MYBBP1A: variants seen among roughly 807,000 people sequenced by gnomAD.
The protein encoded by MYBBP1A is myb-binding protein 1A.
A neutral mutation model predicts 136.3 loss-of-function variants in MYBBP1A; 147 were observed. The observed-to-expected ratio is 1.08, with a 90% CI of 0.94 to 1.24. The LOEUF is 1.24. Ranked by LOEUF, MYBBP1A falls within the 50% of genes most tolerant of loss-of-function variation. The pLI is 0.00. For synonymous variants in MYBBP1A, 947 were observed against 735.8 expected (o/e 1.29, Z -4.65); for missense variants, 2,060 against 1,727.4 (o/e 1.19, Z -3.41).
At chr17:4,540,637 G>C (rs190501453) in intron 24 of MYBBP1A, among the ~76,000 whole-genome samples, 153 bp from the exon 25 acceptor site, 2 of 152,040 alleles carry the variant, frequency 1.3e-5, no homozygotes, top group South Asian at 2.1e-4. Context: ...TAAGTCATCC[G>C]TGTCTCTTAC....
rs749774253 is a variant in MYBBP1A, at chr17:4,553,990, C to A, written c.453+29G>T. ...CCCCCACCCATCCCAAGCCAGCCTA[C>A]ATTCCCCCAGTCCCTCCAAAGCTCT... On this transcript the variant is annotated intron_variant, in intron 4 of 25. Transcript: ENST00000254718. 22 of 1,613,900 alleles carry A rather than the reference C, an allele frequency of 1.4e-5. No individual in the cohort carries two copies. In the South Asian group the frequency reaches 2.3e-4, roughly 17 times the overall value.
rs775236687 is a variant in MYBBP1A, at chr17:4,539,503, G to A, written c.3899C>T (p.Ala1300Val). 8.7e-6 allele frequency: 14 copies of A among 1,614,178 alleles called. No homozygotes were observed. The East Asian group carries it at 2.7e-4, about 31-fold the overall frequency. Residue 1300 changes from alanine to valine, a missense_variant, in exon 26 of 26, where the codon GCA (alanine) becomes GTA (valine). Ala to Val is a moderately conservative substitution (Grantham distance 64). Coordinates refer to ENST00000254718, the MANE Select transcript of MYBBP1A (RefSeq NM_014520.4). ...ACTCCTGATGACCAAAGACAGCCTT[G>A]CCTTTTTCCGTGCCAGCGCGGACAG... is the stretch of plus-strand genomic sequence containing the variant. Reference protein sequence around the residue: ...SPLSALARKKARLSLVIRSPS... With the variant: ...SPLSALARKKVRLSLVIRSPS...
rs1434348525 is a variant in MYBBP1A at position 4,550,164 on chromosome 17, C to T, written c.1213G>A (p.Gly405Ser). 2.5e-6 allele frequency: 4 copies of T among 1,613,996 alleles called. No homozygotes were observed. The Admixed American group carries it at 6.7e-5, about 27-fold the overall frequency. ...VRFLSPPALQ[G>S]YVAWLRAMFL... ...ATGGCCCGCAGCCAGGCCACATAGC[C>T]CTGCAGGGCCGGAGGGCTCAGGAAC... The change falls in exon 9 of 26, where the codon GGC becomes AGC. Residue 405 changes from glycine (G) to serine (S), a missense_variant. Gly to Ser is a moderately conservative substitution (Grantham distance 56, BLOSUM62 0). Coordinates refer to ENST00000254718, the MANE Select transcript of MYBBP1A (RefSeq NM_014520.4).
chr17:4,547,442 A>C (rs760971278), intron 13 of MYBBP1A, among the ~76,000 whole-genome samples: 1 of 152,204 alleles, frequency 6.6e-6, no homozygotes, highest in Non-Finnish European at 1.5e-5. Flanking sequence ...CAAGTAAGGC[A>C]ACCACAGTCA....
Position 4,553,966 on chromosome 17 carries a change from C to T in MYBBP1A, c.454-49G>A, listed in dbSNP as rs913812802. 3.7e-6 allele frequency: 6 copies of T among 1,613,490 alleles called. No homozygotes were observed. In the African/African-American group the frequency reaches 6.7e-5, roughly 18 times the overall value. On this transcript the variant is annotated intron_variant, in intron 4 of 25. Transcript: ENST00000254718. The stretch of plus-strand genomic sequence containing the variant: ...GGTATGAGCAGGGCACACGACTGTC[C>T]CCCACCCATCCCAAGCCAGCCTACA...
rs1006578730 is a variant in MYBBP1A at position 4,548,413 on chromosome 17, C to T, written c.1557-103G>A. On this transcript the variant is annotated intron_variant, in intron 11 of 25. Coordinates refer to ENST00000254718, the MANE Select transcript of MYBBP1A (RefSeq NM_014520.4). This position sits in a 1 kb window ranked among gnomAD's most constrained non-coding sequence, Gnocchi z 4.2. ...CGGTCTCCCGCCTCTCCAGGACCTA[C>T]TAGAACTCCGGGGGCCTCTGCCGTT... 3 of 1,605,166 alleles carry T rather than the reference C, an allele frequency of 1.9e-6. No individual in the cohort carries two copies. The highest frequency in any genetic ancestry group is 2.6e-6 in the Non-Finnish European group (3 of 1,174,330).
chr17:4,550,206 A>G lies in MYBBP1A; in HGVS notation c.1171T>C (p.Phe391Leu). Residue 391 changes from phenylalanine to leucine, a missense_variant, in exon 9 of 26, where the codon TTC becomes CTC. Coordinates refer to ENST00000254718, the MANE Select transcript of MYBBP1A (RefSeq NM_014520.4). ...CTCAGGAACCGCACGACCCGCCAGA[A>G]AGTAGGCGTGACAGGGAGGCCTTGG... ...TNQGLPVTPT[F>L]WRVVRFLSPP... 6.2e-7 allele frequency: 1 copy of G among 1,613,872 alleles called. No individual in the cohort carries two copies. The highest frequency in any genetic ancestry group is 1.1e-5 in the South Asian group (1 of 91,084).
At position 4,545,936 on chromosome 17, in the gene MYBBP1A, C is replaced by T; in HGVS notation, c.1831G>A (p.Ala611Thr). ...TCACCCAGCAGGTCACAGCTCTCTGCAGGGGACTGCGGGCAGGGTAGGACA... is the reference window on the plus strand; with the variant it reads ...TCACCCAGCAGGTCACAGCTCTCTGTAGGGGACTGCGGGCAGGGTAGGACA... ...LVGIHLLKSP[A>T]ESCDLLGDIQ... Residue 611 changes from alanine to threonine, a missense_variant, in exon 14 of 26, where the codon GCA (alanine) becomes ACA (threonine). Physicochemically the swap from Ala to Thr is moderately conservative, Grantham distance 58. Coordinates refer to ENST00000254718, the MANE Select transcript of MYBBP1A (RefSeq NM_014520.4). 10 of 1,613,092 alleles carry T rather than the reference C, an allele frequency of 6.2e-6. No individual in the cohort carries two copies. Among genetic ancestry groups the T allele is most frequent in the Non-Finnish European group, 8.5e-6 (10 of 1,179,894 alleles).
rs143036488 is a variant in MYBBP1A, at chr17:4,545,629, G to A, written c.2054C>T (p.Ala685Val). The A allele has an allele frequency of 1.4e-3, 2,266 of 1,596,994 alleles. 4 individuals carry two copies. The highest frequency in any genetic ancestry group is 1.8e-3 in the Admixed American group (107 of 58,990). ...ACTCACATCCAGAATTAGCTGCAGG[G>A]CACGCGGGGTCAGGTGGGAGCAGAT... ...GHICSHLTPR[A>V]LQLILDVLNP... Residue 685 changes from alanine (A) to valine (V), a missense_variant, in exon 15 of 26, where the codon GCC becomes GTC. Coordinates refer to ENST00000254718, the MANE Select transcript of MYBBP1A (RefSeq NM_014520.4).
At chr17:4,544,296 G>A (rs1272306981) in intron 19 of MYBBP1A, among the ~76,000 whole-genome samples, 193 bp downstream of exon 19, 2 of 150,884 alleles carry the variant, frequency 1.3e-5, no homozygotes, top group African/African-American at 2.5e-5. Flanking sequence ...GGAGAACGCG[G>A]GGATGAAGCA....
In MYBBP1A at chr17:4,539,964, G is replaced by C. The variant is rs768699920; in HGVS notation, c.3438C>G (p.Arg1146=). The change falls in exon 26 of 26, where the codon CGC becomes CGG. Residue 1146 remains arginine, a synonymous_variant. Coordinates refer to ENST00000254718, the MANE Select transcript of MYBBP1A (RefSeq NM_014520.4). ...WQAMKTLGVQ[R]PKLEKKDAKE... is the part of the protein sequence containing the mutation. ...TGGCATCCTTCTTCTCCAACTTGGG[G>C]CGCCTGAAGGGAAGTGAGCAAGGTT... 5.6e-6 allele frequency: 9 copies of C among 1,598,028 alleles called. No homozygotes were observed. The East Asian group carries it at 2.0e-4, about 36-fold the overall frequency.
At chr17:4,553,074 G>A (rs888992307) in intron 5 of MYBBP1A, among the ~76,000 whole-genome samples, 6 of 152,118 alleles carry the variant, frequency 3.9e-5, no homozygotes, top group African/African-American at 7.2e-5. Context: ...TGCCCACCTC[G>A]GCCTCCCAAA....
rs1906653338 is a variant in MYBBP1A, at chr17:4,543,425, G to A, written c.2640-260C>T. On this transcript the variant is annotated intron_variant, in intron 19 of 25. Transcript: ENST00000254718. ...GTGGAGGCTGCACCAAGGGCCAACT[G>A]CCTGCCTGGGGCACCCCTCCTGTCT... The A allele has an allele frequency of 5.8e-6, 3 of 513,610 alleles. No homozygotes were observed. The East Asian group carries it at 9.0e-5, about 15-fold the overall frequency. 31.8% of individuals were successfully genotyped at this position (513,610 alleles called of 1,614,324 possible).
chr17:4,555,064 G>A, intron 1 of MYBBP1A, 63 bp downstream of exon 1: 7 of 1,573,946 alleles, frequency 4.4e-6, no homozygotes, highest in Non-Finnish European at 5.2e-6. Context: ...TCAACTCCCT[G>A]GGCCCGCCGC....
rs75753157 is a variant in MYBBP1A, at chr17:4,539,949, C to T, written c.3453G>A (p.Lys1151=). ...CACTGGGGATCTCCTTGGCATCCTT[C>T]TTCTCCAACTTGGGGCGCCTGAAGG... ...TLGVQRPKLE[K]KDAKEIPSAT... is the part of the protein sequence containing the mutation. The change falls in exon 26 of 26, where the codon AAG becomes AAA. Residue 1151 remains lysine, a synonymous_variant. Transcript: ENST00000254718. 3 of 1,598,554 alleles carry T rather than the reference C, an allele frequency of 1.9e-6. No homozygotes were observed. In the South Asian group the frequency reaches 3.3e-5, roughly 18 times the overall value.
At position 4,539,344 on chromosome 17, in the gene MYBBP1A, T is replaced by TAAAA. The variant is rs372363229; in HGVS notation, c.*67_*70dup. On this transcript the variant is annotated 3_prime_UTR_variant, in exon 26 of 26. Coordinates refer to ENST00000254718, the MANE Select transcript of MYBBP1A (RefSeq NM_014520.4). ...CAGCTTGCGTATTAAAATCATGGTT[T>TAAAA]AAAAAAAAAAAAAAAAAATAGGCGT... 7.1e-6 allele frequency: 10 copies of TAAAA among 1,401,714 alleles called. No individual in the cohort carries two copies. The highest frequency in any genetic ancestry group is 9.4e-6 in the Non-Finnish European group (10 of 1,065,142). The allele number at this position is 1,401,714 out of a possible 1,614,324, so 86.8% of individuals were successfully genotyped here.
chr17:4,540,782 A>C (rs1906340052), intron 24 of MYBBP1A, among the ~76,000 whole-genome samples: 1 of 148,940 alleles, frequency 6.7e-6, no homozygotes, highest in African/African-American at 2.5e-5. Context: ...ACTCCCCAGC[A>C]CTCCATCACC....
intron 8 of MYBBP1A, 40 bp from the exon 9 acceptor site, chr17:4,550,393 G>T: frequency 6.4e-7 from 1 of 1,567,990 alleles, no homozygotes; most frequent in Non-Finnish European, 8.6e-7. Flanking sequence ...ACCAGCCCAG[G>T]GGGGCAGGCG....
chr17:4,539,049 C>G lies in MYBBP1A; in HGVS notation c.*366G>C, dbSNP rs574384938. 6 of 1,050,602 alleles carry G rather than the reference C, an allele frequency of 5.7e-6. No individual in the cohort carries two copies. The Admixed American group carries it at 8.8e-5, about 15-fold the overall frequency. 65.1% of individuals were successfully genotyped at this position (1,050,602 alleles called of 1,614,324 possible). A position where few individuals can be genotyped will look rare whatever the true frequency, so the allele number is the denominator to read the frequency against. On this transcript the variant is annotated 3_prime_UTR_variant, in exon 26 of 26. Coordinates refer to ENST00000254718, the MANE Select transcript of MYBBP1A (RefSeq NM_014520.4). ...CTATTTAAATCACCCCCTGGTGGCTCCCTCACAGCAAAAAAGCCTGGGGGC... is the reference window on the plus strand; with the variant it reads ...CTATTTAAATCACCCCCTGGTGGCTGCCTCACAGCAAAAAAGCCTGGGGGC...
Sources: allele counts gnomAD v4.1 joint callset (sites outside exome capture counted in the v4.1 genomes callset), GRCh38; gene constraint gnomAD v4.1.1; non-coding constraint Gnocchi (gnomAD v3.1); transcripts MANE v1.5; gene names NCBI Gene and HGNC (gene_info 2026-07-23, HGNC 2026-07-21).